Variants in IL16 observed in about 807,000 individuals in gnomAD.
IL16 encodes the protein pro-interleukin-16.
Under a neutral mutation model 110.1 loss-of-function variants are expected in IL16, and 67 were observed. The observed-to-expected ratio is 0.61, with a 90% CI of 0.50 to 0.75. The LOEUF (loss-of-function observed/expected upper bound fraction) is 0.75. Ranked by LOEUF, IL16 falls within the 30% of genes least tolerant of loss-of-function variation. The pLI is 0.00. For synonymous variants in IL16, 689 were observed against 662.9 expected, an observed-to-expected ratio of 1.04 and a Z score of -0.61; for missense variants, 1,545 against 1,655.0, an observed-to-expected ratio of 0.93 and a Z score of 1.15.
intron 1 of IL16, among the ~76,000 whole-genome samples, chr15:81,198,653 A>AC (rs1895685358): frequency 6.6e-6 from 1 of 150,646 alleles, no homozygotes; most frequent in South Asian, 2.1e-4. Flanking sequence ...CCTTTTGTCA[A>AC]CCCCTCCCCC....
chr15:81,279,640 C>G lies in IL16; in HGVS notation c.947C>G (p.Pro316Arg), dbSNP rs375892392. 2 of 1,614,146 alleles carry G rather than the reference C, an allele frequency of 1.2e-6. No homozygotes were observed. The highest frequency in any genetic ancestry group is 4.5e-5 in the East Asian group (2 of 44,900). Reference protein sequence around the residue: ...PPSLCSHLSPPLCRSLSSSTC... With the variant: ...PPSLCSHLSPRLCRSLSSSTC... ...TCCCTGTGCAGCCACCTGTCTCCCCCACTGTGCCGCTCCCTGAGCTCCAGC... is the reference window on the plus strand; with the variant it reads ...TCCCTGTGCAGCCACCTGTCTCCCCGACTGTGCCGCTCCCTGAGCTCCAGC... The change falls in exon 8 of 19, where the codon CCA becomes CGA. Residue 316 changes from proline to arginine, a missense_variant. This residue lies in a region of IL16 where 1,185 missense variants were observed against 1,238.8 expected (regional missense o/e 0.96). Coordinates refer to ENST00000683961, the MANE Select transcript of IL16 (RefSeq NM_172217.5).
chr15:81,306,737 A>T, intron 18 of IL16, 192 bp downstream of exon 18: 1 of 684,584 alleles, frequency 1.5e-6, no homozygotes, highest in East Asian at 3.0e-5. Context: ...CATCCCCTCA[A>T]TCCCCCCTCT....
chr15:81,241,620 T>C (rs1457264536), intron 2 of IL16, among the ~76,000 whole-genome samples: 1 of 152,152 alleles, frequency 6.6e-6, no homozygotes, highest in Non-Finnish European at 1.5e-5. Flanking sequence ...TTTTAAATAG[T>C]TATTTTAATT....
chr15:81,303,742 G>A lies in IL16; in HGVS notation c.3420+92G>A. ...TGCCAGGAAGGGGCCCTGTGCTGGGGAAATGAAGAATGCATGACACTAGGC... is the reference window on the plus strand; with the variant it reads ...TGCCAGGAAGGGGCCCTGTGCTGGGAAAATGAAGAATGCATGACACTAGGC... On this transcript the variant is annotated intron_variant, in intron 16 of 18. Transcript: ENST00000683961. This position sits in a 1 kb window ranked among gnomAD's most constrained non-coding sequence, Gnocchi z 4.1. 1 of 837,000 alleles carries A rather than the reference G, an allele frequency of 1.2e-6. No individual in the cohort carries two copies. Among genetic ancestry groups the A allele is most frequent in the Non-Finnish European group, 2.0e-6 (1 of 491,356 alleles). The allele number at this position is 837,000 out of a possible 1,614,324, so 51.8% of individuals were successfully genotyped here.
chr15:81,293,094 A>G, intron 12 of IL16, 57 bp downstream of exon 12: 4 of 1,532,232 alleles, frequency 2.6e-6, no homozygotes, highest in Non-Finnish European at 3.5e-6. Flanking sequence ...AATCTTGAGC[A>G]TGGGCAAATT....
chr15:81,217,931 A>C (rs1380027312), intron 1 of IL16, among the ~76,000 whole-genome samples: 2 of 152,192 alleles, frequency 1.3e-5, no homozygotes, highest in Non-Finnish European at 2.9e-5. Flanking sequence ...TCTACATACT[A>C]GAAAACACTG....
At chr15:81,243,708 T>C (rs1178678506) in intron 2 of IL16, among the ~76,000 whole-genome samples, 1 of 152,208 alleles carries the variant, frequency 6.6e-6, no homozygotes. Flanking sequence ...TTGGAAGTTT[T>C]GAAATTACAA....
chr15:81,265,329 GGATCT>G (rs1485606271), intron 3 of IL16, among the ~76,000 whole-genome samples: 1 of 152,174 alleles, frequency 6.6e-6, no homozygotes, highest in Non-Finnish European at 1.5e-5. Flanking sequence ...ACCGGGGCCT[GGATCT>G]GATGCAGCAT....
intron 5 of IL16, among the ~76,000 whole-genome samples, chr15:81,270,175 A>G (rs1024574083): frequency 6.6e-6 from 1 of 152,236 alleles, no homozygotes; most frequent in Non-Finnish European, 1.5e-5. Context: ...ATGATGAAAC[A>G]TCATACTGAT....
At chr15:81,211,633 C>T (rs535028285) in intron 1 of IL16, among the ~76,000 whole-genome samples, 28 of 152,272 alleles carry the variant, frequency 1.8e-4, no homozygotes, top group Non-Finnish European at 2.9e-4. Context: ...AGCAATCTGC[C>T]GCTCTTGGCC....
At chr15:81,233,106 G>T (rs1024015536) in intron 2 of IL16, among the ~76,000 whole-genome samples, 2 of 152,010 alleles carry the variant, frequency 1.3e-5, no homozygotes, top group African/African-American at 4.8e-5. Flanking sequence ...TTTCTTCTGA[G>T]AATTTGTTTC....
chr15:81,286,167 T>C (rs11073000), intron 10 of IL16, among the ~76,000 whole-genome samples: 17,197 of 152,172 alleles, frequency 0.11, 1,294 homozygotes, highest in South Asian at 0.31. Context: ...TGTCTGGAGG[T>C]AGGTACTGAA....
intron 2 of IL16, among the ~76,000 whole-genome samples, chr15:81,232,545 C>T (rs537397659): frequency 5.3e-5 from 8 of 152,084 alleles, no homozygotes; most frequent in African/African-American, 1.4e-4. Context: ...TTATTTTGCC[C>T]GCCACCCCCA....
rs1900864223 is a variant in IL16, at chr15:81,311,719, T to C, written c.*2921T>C. 1.3e-5 allele frequency: 2 copies of C among 152,216 alleles called. No homozygotes were observed. Among genetic ancestry groups the C allele is most frequent in the African/African-American group, 4.8e-5 (2 of 41,440 alleles). 9.4% of individuals were successfully genotyped at this position (152,216 alleles called of 1,614,324 possible). On this transcript the variant is annotated 3_prime_UTR_variant, in exon 19 of 19. Transcript: ENST00000683961. ...TGGCTGAACTCATGAGAAGTTGATA[T>C]AGAACAGTGCTTGCCACAGAGCGGG...
chr15:81,291,068 T>C (rs1366998864), intron 11 of IL16, among the ~76,000 whole-genome samples: 3 of 152,214 alleles, frequency 2.0e-5, no homozygotes, highest in African/African-American at 4.8e-5. Flanking sequence ...GTCATACCAC[T>C]AGAGCACAGA....
chr15:81,305,737 G>A (rs2141637211), intron 16 of IL16, 171 bp from the exon 17 acceptor site: 1 of 712,326 alleles, frequency 1.4e-6, no homozygotes, highest in East Asian at 2.6e-5. Context: ...GGATGGAGAA[G>A]GAGGGAATGC....
chr15:81,218,933 A>G (rs1567000926), intron 1 of IL16, among the ~76,000 whole-genome samples: 1 of 147,826 alleles, frequency 6.8e-6, no homozygotes, highest in Non-Finnish European at 1.5e-5. Context: ...TTGAGTAACA[A>G]TTTTTTTTTT....
intron 2 of IL16, among the ~76,000 whole-genome samples, chr15:81,245,759 A>G (rs1447023702): frequency 1.0e-5 from 1 of 96,620 alleles, no homozygotes; most frequent in Admixed American, 1.5e-4. Flanking sequence ...GCCTGTACCT[A>G]CTGGCAATTC....
chr15:81,223,101 C>G (rs148394366), intron 1 of IL16, among the ~76,000 whole-genome samples: 1 of 152,294 alleles, frequency 6.6e-6, no homozygotes, highest in African/African-American at 2.4e-5. Flanking sequence ...AACAAATCCT[C>G]TCAAAATGCA....
Sources: gnomAD v4.1 joint callset for allele counts (sites outside exome capture counted in the v4.1 genomes callset) on GRCh38, gnomAD v4.1.1 for gene constraint, gnomAD v4.1.1 regional missense constraint, Gnocchi (gnomAD v3.1) non-coding constraint, MANE v1.5 for transcripts, NCBI Gene and HGNC (gene_info 2026-07-23, HGNC 2026-07-21) for gene names.